The following SRBD1 variants were observed in gnomAD, a reference collection of about 807,000 sequenced individuals.
SRBD1 encodes S1 RNA binding domain 1.
In SRBD1, 88 loss-of-function variants were observed where a neutral mutation model predicts 115.3. That is an observed-to-expected ratio of 0.76 (90% CI 0.64 to 0.91). The LOEUF is 0.91. Among genes scored for constraint, SRBD1 ranks in the 40% least tolerant of loss-of-function variants. The pLI, the probability that SRBD1 is intolerant of heterozygous loss-of-function variation, is 0.00. For missense variants in SRBD1, 1,385 were observed against 1,177.4 expected (o/e 1.18, Z -2.58); for synonymous variants, 509 against 407.7 (o/e 1.25, Z -2.99).
At chr2:45,605,690 A>T (rs1674246058) in intron 1 of SRBD1, among the ~76,000 whole-genome samples, 2 of 152,228 alleles carry the variant, frequency 1.3e-5, no homozygotes, top group South Asian at 4.2e-4. Context: ...GATCACCTGA[A>T]GTCAGGAGTT....
intron 16 of SRBD1, among the ~76,000 whole-genome samples, chr2:45,471,026 T>G (rs964026104): frequency 2.0e-5 from 3 of 152,234 alleles, no homozygotes; most frequent in African/African-American, 7.2e-5. Flanking sequence ...ACAGCAATGT[T>G]TGTCCATCTA....
chr2:45,482,613 A>AACACAC (rs70937962), intron 15 of SRBD1, among the ~76,000 whole-genome samples: 22 of 148,650 alleles, frequency 1.5e-4, no homozygotes, highest in Admixed American at 4.7e-4. Context: ...CACAACGTTA[A>AACACAC]ACACACACAC....
At chr2:45,589,446 T>C (rs897978583) in intron 4 of SRBD1, among the ~76,000 whole-genome samples, 5 of 152,186 alleles carry the variant, frequency 3.3e-5, no homozygotes, top group African/African-American at 1.2e-4. Context: ...CCTTGAAAGA[T>C]AGGCAAGATT....
At chr2:45,509,466 G>T (rs1385369764) in intron 14 of SRBD1, among the ~76,000 whole-genome samples, 1 of 151,916 alleles carries the variant, frequency 6.6e-6, no homozygotes, top group Admixed American at 6.6e-5. Flanking sequence ...CGCGGTGGTG[G>T]GCGCCTGCAG....
intron 14 of SRBD1, among the ~76,000 whole-genome samples, chr2:45,526,183 C>T (rs908967229): frequency 6.6e-6 from 1 of 151,912 alleles, no homozygotes; most frequent in Non-Finnish European, 1.5e-5. Flanking sequence ...TCATAACAGC[C>T]AAAGAGTGGA....
In SRBD1 at chr2:45,599,526, G is replaced by A; in HGVS notation, c.571C>T (p.Gln191Ter). Reference protein sequence around the residue: ...LKKIKTETYPQGQPVKFPANA... With the variant: ...LKKIKTETYP ...GCTGGAAACTTGACAGGCTGCCCCT[G>A]AGGATATGTCTCAGTCTTGATTTTC... Residue 191 changes from glutamine (Q) to a stop codon, truncating the protein, a stop_gained, in exon 4 of 21, where the codon CAG becomes TAG. Transcript: ENST00000263736. LOFTEE classifies it high-confidence loss of function. 6.2e-7 allele frequency: 1 copy of A among 1,614,216 alleles called. No homozygotes were observed. The highest frequency in any genetic ancestry group is 8.5e-7 in the Non-Finnish European group (1 of 1,180,038).
intron 14 of SRBD1, among the ~76,000 whole-genome samples, chr2:45,524,619 A>C (rs555626905): frequency 6.6e-6 from 1 of 152,224 alleles, no homozygotes; most frequent in East Asian, 1.9e-4. Context: ...TGAAAGCTAC[A>C]GAACATTGTT....
At chr2:45,516,949 C>G (rs1671138421) in intron 14 of SRBD1, among the ~76,000 whole-genome samples, 1 of 152,146 alleles carries the variant, frequency 6.6e-6, no homozygotes, top group South Asian at 2.1e-4. Context: ...AATAAATACC[C>G]AAACATGTCC....
At chr2:45,432,048 G>T (rs201124761) in intron 16 of SRBD1, among the ~76,000 whole-genome samples, 5 of 81,020 alleles carry the variant, frequency 6.2e-5, no homozygotes, top group African/African-American at 2.0e-4. Flanking sequence ...TTTATTTATT[G>T]AGATGGTGTC....
intron 16 of SRBD1, among the ~76,000 whole-genome samples, chr2:45,456,197 G>A (rs1669146992): frequency 6.6e-6 from 1 of 151,818 alleles, no homozygotes; most frequent in South Asian, 2.1e-4. Context: ...TTTCTGGAAA[G>A]TAAGGGGAAA....
At chr2:45,476,949 T>C (rs1669821622) in intron 16 of SRBD1, 44 bp downstream of exon 16, 1 of 1,560,532 alleles carries the variant, frequency 6.4e-7, no homozygotes, top group Non-Finnish European at 8.8e-7. Flanking sequence ...TACTGCTCCT[T>C]GTATTGATGG....
intron 16 of SRBD1, among the ~76,000 whole-genome samples, chr2:45,466,439 A>G (rs1308347851): frequency 1.3e-5 from 2 of 152,102 alleles, no homozygotes; most frequent in Non-Finnish European, 2.9e-5. Flanking sequence ...GACATTCAAC[A>G]CATTCAAATC....
chr2:45,570,673 G>A (rs1414115350), intron 9 of SRBD1, among the ~76,000 whole-genome samples: 1 of 152,124 alleles, frequency 6.6e-6, no homozygotes, highest in Non-Finnish European at 1.5e-5. Context: ...TTCTATAAGA[G>A]AGCACTTTTA....
At position 45,419,815 on chromosome 2, in the gene SRBD1, A is replaced by C; in HGVS notation, c.2129T>G (p.Ile710Ser). ...EECVSFVGVD[I>S]NICSEVLLRH... ...TAACAAAACTTCTGAACAGATGTTA[A>C]TATCCACTCCCACAAAGCTGACACA... is the stretch of plus-strand genomic sequence containing the variant. Residue 710 changes from isoleucine to serine, a missense_variant, in exon 17 of 21, where the codon ATT (isoleucine) becomes AGT (serine). Transcript: ENST00000263736. 6.2e-7 allele frequency: 1 copy of C among 1,613,860 alleles called. No homozygotes were observed. Among genetic ancestry groups the C allele is most frequent in the Non-Finnish European group, 8.5e-7 (1 of 1,179,858 alleles).
At chr2:45,464,424 GAA>G (rs1252667216) in intron 16 of SRBD1, among the ~76,000 whole-genome samples, 3 of 152,154 alleles carry the variant, frequency 2.0e-5, no homozygotes, top group Middle Eastern at 6.3e-3. Flanking sequence ...GGTACCTTTT[GAA>G]AAGACATTTC....
chr2:45,611,087 AC>A (rs1558512830), intron 1 of SRBD1, 131 bp downstream of exon 1: 1 of 152,148 alleles, frequency 6.6e-6, no homozygotes, highest in Non-Finnish European at 1.5e-5. Context: ...TGAACTTCTC[AC>A]TTTTAAAAAA....
chr2:45,586,928 T>A (rs1463785032), intron 4 of SRBD1, among the ~76,000 whole-genome samples: 1 of 146,464 alleles, frequency 6.8e-6, no homozygotes, highest in African/African-American at 2.5e-5. Flanking sequence ...TTATTTTAAA[T>A]TATAAATATT....
chr2:45,580,397 G>C lies in SRBD1; in HGVS notation c.934-384C>G, dbSNP rs569629928. Among the ~76,000 whole-genome samples the C allele has an allele frequency of 2.6e-5, 4 of 151,862 alleles. No individual in the cohort carries two copies. In the East Asian group the frequency reaches 7.7e-4, roughly 29 times the overall value. ...CTCTCGCTCTTTCGCCCAGGCCTGA[G>C]TGCAGTGGCGCGATCTCGGCTCACT... is the stretch of plus-strand genomic sequence containing the variant. On this transcript the variant is annotated intron_variant, in intron 6 of 20. Coordinates refer to ENST00000263736, the MANE Select transcript of SRBD1 (RefSeq NM_018079.5).
At chr2:45,485,746 G>A (rs1670098342) in intron 15 of SRBD1, among the ~76,000 whole-genome samples, 1 of 152,064 alleles carries the variant, frequency 6.6e-6, no homozygotes, top group Non-Finnish European at 1.5e-5. Context: ...AGGACTTAAA[G>A]GTAAAAAATC....
Sources: allele counts gnomAD v4.1 joint callset (sites outside exome capture counted in the v4.1 genomes callset), GRCh38; gene constraint gnomAD v4.1.1; transcripts MANE v1.5; gene names NCBI Gene and HGNC (gene_info 2026-07-23, HGNC 2026-07-21).